The following MCTP2 variants were observed in gnomAD, a reference collection of about 807,000 sequenced individuals.
MCTP2 encodes multiple C2 and transmembrane domain containing 2, also known as multiple C2 and transmembrane domain-containing protein 2.
A neutral mutation model predicts 111.6 loss-of-function variants in MCTP2; 132 were observed. That is an observed-to-expected ratio of 1.18 (90% CI 1.03 to 1.37). The LOEUF is 1.37. Among genes scored for constraint, MCTP2 ranks in the 40% most tolerant of loss-of-function variants. The pLI, the probability that MCTP2 is intolerant of heterozygous loss-of-function variation, is 0.00. For synonymous variants in MCTP2, 395 were observed against 387.7 expected, an observed-to-expected ratio of 1.02 and a Z score of -0.22; for missense variants, 1,183 against 1,067.9, an observed-to-expected ratio of 1.11 and a Z score of -1.50.
intron 1 of MCTP2, among the ~76,000 whole-genome samples, chr15:94,245,255 T>C (rs1427522382): frequency 7.0e-6 from 1 of 143,178 alleles, no homozygotes; most frequent in East Asian, 2.1e-4. Context: ...CACATATGTA[T>C]ATATACATAT....
intron 1 of MCTP2, among the ~76,000 whole-genome samples, chr15:94,279,323 C>T (rs745482700): frequency 6.6e-6 from 1 of 152,082 alleles, no homozygotes; most frequent in African/African-American, 2.4e-5. Context: ...TTGTTGTAGA[C>T]ATCTTTCACC....
At chr15:94,472,898 TGCA>T (rs1433781725) in intron 21 of MCTP2, among the ~76,000 whole-genome samples, 1 of 152,216 alleles carries the variant, frequency 6.6e-6, no homozygotes, top group African/African-American at 2.4e-5. Context: ...TTGCATCCTT[TGCA>T]GCAATTTTTT....
intron 4 of MCTP2, among the ~76,000 whole-genome samples, chr15:94,335,482 A>T (rs948534305): frequency 2.6e-5 from 4 of 152,260 alleles, no homozygotes; most frequent in African/African-American, 9.6e-5. Flanking sequence ...CAAGACTTAT[A>T]GTCAATGGCT....
chr15:94,267,918 T>C (rs997301857), intron 1 of MCTP2, among the ~76,000 whole-genome samples: 1 of 134,268 alleles, frequency 7.4e-6, no homozygotes, highest in African/African-American at 2.9e-5. Flanking sequence ...CAGGCTAGAG[T>C]GCAGAGGCGT....
At chr15:94,411,840 T>C (rs1254442171) in intron 17 of MCTP2, among the ~76,000 whole-genome samples, 2 of 152,198 alleles carry the variant, frequency 1.3e-5, no homozygotes, top group African/African-American at 2.4e-5. Context: ...CTGACTGTTC[T>C]AGTCTCCCTG....
chr15:94,254,845 A>G (rs1345254064), intron 1 of MCTP2, among the ~76,000 whole-genome samples: 1 of 152,206 alleles, frequency 6.6e-6, no homozygotes, highest in Non-Finnish European at 1.5e-5. Context: ...GAAACTAATG[A>G]CTTCGCAAAA....
intron 18 of MCTP2, among the ~76,000 whole-genome samples, chr15:94,440,732 G>A (rs539071628): frequency 6.6e-6 from 1 of 152,296 alleles, no homozygotes; most frequent in South Asian, 2.1e-4. Flanking sequence ...TGGCTTGAAG[G>A]CTCAGGAGAT....
chr15:94,391,072 G>A (rs1381907577), intron 14 of MCTP2, among the ~76,000 whole-genome samples: 1 of 151,962 alleles, frequency 6.6e-6, no homozygotes, highest in Non-Finnish European at 1.5e-5. Context: ...TTCTGTGTGA[G>A]CCAGGCCAAT....
intron 9 of MCTP2, among the ~76,000 whole-genome samples, chr15:94,357,698 ATAGT>A (rs1402378516): frequency 6.6e-6 from 1 of 152,198 alleles, no homozygotes; most frequent in Non-Finnish European, 1.5e-5. Context: ...TGATGCAAGA[ATAGT>A]TAGTACGGGG....
chr15:94,238,938 C>T (rs1439650707), intron 1 of MCTP2, among the ~76,000 whole-genome samples: 1 of 150,818 alleles, frequency 6.6e-6, no homozygotes, highest in Non-Finnish European at 1.5e-5. Context: ...AGCATTAAAC[C>T]TATCTGTGTG....
At chr15:94,348,038 A>G (rs1046779712) in intron 8 of MCTP2, among the ~76,000 whole-genome samples, 4 of 152,050 alleles carry the variant, frequency 2.6e-5, no homozygotes, top group African/African-American at 9.7e-5. Context: ...ATAAGTACAT[A>G]CTCTTACGTA....
At chr15:94,350,117 G>A (rs2152417176) in intron 8 of MCTP2, among the ~76,000 whole-genome samples, 1 of 152,308 alleles carries the variant, frequency 6.6e-6, no homozygotes, top group Non-Finnish European at 1.5e-5. Context: ...TCAAGTTTGA[G>A]AAGCCCTGGG....
In MCTP2 at chr15:94,303,793, C is replaced by T. The variant is rs1036572821; in HGVS notation, c.465+5063C>T. 2.0e-5 allele frequency among the ~76,000 whole-genome samples: 3 copies of T among 152,152 alleles called. No homozygotes were observed. In the East Asian group the frequency reaches 5.8e-4, roughly 29 times the overall value. ...CCCATACTTCAAGGCCTAGTGGAAA[C>T]CTTCCTTCTCTGTGGTGCTTTTTCC... is the stretch of plus-strand genomic sequence containing the variant. On this transcript the variant is annotated intron_variant, in intron 2 of 22. Transcript: ENST00000357742.
intron 8 of MCTP2, among the ~76,000 whole-genome samples, chr15:94,349,532 G>A (rs1231943935): frequency 1.3e-5 from 2 of 152,134 alleles, no homozygotes; most frequent in Non-Finnish European, 2.9e-5. Context: ...TGGGTTGGAC[G>A]CTGGTCTCTG....
chr15:94,466,022 C>T (rs2073248747), intron 20 of MCTP2, among the ~76,000 whole-genome samples: 1 of 152,152 alleles, frequency 6.6e-6, no homozygotes, highest in Non-Finnish European at 1.5e-5. Context: ...TAGTTCTCTG[C>T]AGTTTAAAAT....
intron 1 of MCTP2, among the ~76,000 whole-genome samples, chr15:94,250,710 A>C (rs2072355361): frequency 6.6e-6 from 1 of 152,224 alleles, no homozygotes; most frequent in African/African-American, 2.4e-5. Flanking sequence ...CATAACATTA[A>C]GAGAAATGTG....
chr15:94,402,064 A>G (rs755088408), intron 17 of MCTP2, 45 bp downstream of exon 17: 3 of 1,597,104 alleles, frequency 1.9e-6, no homozygotes, highest in Non-Finnish European at 2.6e-6. Flanking sequence ...TCTTATTTGC[A>G]TCTATTCATC....
In MCTP2 at chr15:94,298,437, G is replaced by C. The variant is rs373786470; in HGVS notation, c.172G>C (p.Ala58Pro). The C allele has an allele frequency of 3.8e-5, 61 of 1,614,032 alleles. No homozygotes were observed. Among genetic ancestry groups the C allele is most frequent in the Non-Finnish European group, 4.7e-5 (55 of 1,180,020 alleles). ...LSLSVPDLLE[A>P]EALAPEGRPY... is the part of the protein sequence containing the mutation. ...CCTCTCTGTGCCTGATCTCCTGGAGGCTGAGGCCTTGGCCCCAGAGGGCCG... is the reference window on the plus strand; with the variant it reads ...CCTCTCTGTGCCTGATCTCCTGGAGCCTGAGGCCTTGGCCCCAGAGGGCCG... Residue 58 changes from alanine to proline, a missense_variant, in exon 2 of 23, where the codon GCT becomes CCT. Coordinates refer to ENST00000357742, the MANE Select transcript of MCTP2 (RefSeq NM_001385001.1).
rs556263773 is a variant in MCTP2, at chr15:94,372,503, C to T, written c.1582+2323C>T. Reference sequence around the variant, plus strand: ...TACCGTGAGGTAGCAATGAATACCTCTAAGAGGTCAGCGATCGTGGCCTAC... The same window carrying T: ...TACCGTGAGGTAGCAATGAATACCTTTAAGAGGTCAGCGATCGTGGCCTAC... On this transcript the variant is annotated intron_variant, in intron 12 of 22. Coordinates refer to ENST00000357742, the MANE Select transcript of MCTP2 (RefSeq NM_001385001.1). Among the ~76,000 whole-genome samples, 3 of 152,300 alleles carry T rather than the reference C, an allele frequency of 2.0e-5. No individual in the cohort carries two copies. The South Asian group carries it at 6.2e-4, about 32-fold the overall frequency.
Sources: allele counts gnomAD v4.1 joint callset (sites outside exome capture counted in the v4.1 genomes callset), GRCh38; gene constraint gnomAD v4.1.1; transcripts MANE v1.5; gene names NCBI Gene and HGNC (gene_info 2026-07-23, HGNC 2026-07-21).